UGT2B11: variants seen among roughly 807,000 people sequenced by gnomAD.
UGT2B11 encodes the protein UDP glucuronosyltransferase family 2 member B11, also known as UDP-glucuronosyltransferase 2B11.
UGT2B11 carries 49 observed loss-of-function variants against 51.7 expected under a neutral mutation model. That is an observed-to-expected ratio of 0.95 (90% CI 0.75 to 1.20). The LOEUF is 1.20. UGT2B11 is among the 50% of genes most tolerant of loss of function. UGT2B11 has a pLI of 0.00. For missense variants in UGT2B11, 810 were observed against 622.1 expected (o/e 1.30, Z -3.21); for synonymous variants, 273 against 209.0 (o/e 1.31, Z -2.64).
the UGT2B11 span, among the ~76,000 whole-genome samples, chr4:69,222,481 T>C: frequency 6.6e-6 from 1 of 152,246 alleles, no homozygotes; most frequent in African/African-American, 2.4e-5. Context: ...ATGATCTGAG[T>C]AAGTATCCCA....
chr4:69,206,096 C>T (rs2109944540), intron 3 of UGT2B11, among the ~76,000 whole-genome samples: 1 of 151,510 alleles, frequency 6.6e-6, no homozygotes, highest in Middle Eastern at 3.4e-3. Context: ...GGCAAAAATA[C>T]CATGAAACCC....
rs201637982 is a variant in UGT2B11 at position 69,205,540 on chromosome 4, G to T, written c.1030C>A (p.Pro344Thr). The T allele has an allele frequency of 9.3e-6, 15 of 1,610,364 alleles. No individual in the cohort carries two copies. The highest frequency in any genetic ancestry group is 1.2e-5 in the Non-Finnish European group (14 of 1,177,842). ...CGAGTATTGAGACCTAAGGCATCTG[G>T]TTTATTCCCGTCAAATCTCCACAGA... The part of the protein sequence containing the change: ...KVLWRFDGNK[P>T]DALGLNTRLY... The change falls in exon 4 of 6, where the codon CCA becomes ACA. Residue 344 changes from proline (P) to threonine (T), a missense_variant. Transcript: ENST00000446444.
chr4:69,221,836 T>C, the UGT2B11 span, among the ~76,000 whole-genome samples: 2 of 152,240 alleles, frequency 1.3e-5, no homozygotes, highest in African/African-American at 4.8e-5. Flanking sequence ...CGGCATGAGC[T>C]GGCGCTTGCC....
At chr4:69,216,353 T>C (rs1222840760), upstream of UGT2B11, 2 of 152,068 alleles carry the variant, frequency 1.3e-5, no homozygotes, top group Non-Finnish European at 2.9e-5. Flanking sequence ...AACTTATATG[T>C]CCACATCTTG....
At position 69,214,576 on chromosome 4, in the gene UGT2B11, T is replaced by C. The variant is rs755891316; in HGVS notation, c.147A>G (p.Arg49=). 26 of 1,613,198 alleles carry C rather than the reference T, an allele frequency of 1.6e-5. No individual in the cohort carries two copies. The East Asian group carries it at 2.7e-4, about 17-fold the overall frequency. Residue 49 remains arginine (R), a synonymous_variant, in exon 1 of 6, where the codon AGA becomes AGG. Coordinates refer to ENST00000446444, the MANE Select transcript of UGT2B11 (RefSeq NM_001073.3). ...MKTILKELVQ[R]GHEVTVLASS... is the part of the protein sequence containing the mutation. ...ATGCCAGTACAGTCACCTCATGACC[T>C]CTCTGAACAAGCTCTTTCAGGATTG...
At chr4:69,217,756 C>T (rs1722310242), upstream of UGT2B11, among the ~76,000 whole-genome samples, 1 of 152,038 alleles carries the variant, frequency 6.6e-6, no homozygotes, top group Non-Finnish European at 1.5e-5. Context: ...TCTCAGCATG[C>T]TCAGGGTGCT....
At chr4:69,203,965 A>G (rs1022728426) in intron 5 of UGT2B11, among the ~76,000 whole-genome samples, 44 of 151,658 alleles carry the variant, frequency 2.9e-4, no homozygotes, top group African/African-American at 1.0e-3. Context: ...TTTGGATTTT[A>G]TGGCATAAAT....
upstream of UGT2B11, chr4:69,215,203 C>A (rs1209693757): frequency 6.5e-6 from 1 of 153,204 alleles, no homozygotes; most frequent in Non-Finnish European, 1.5e-5. Flanking sequence ...AATTCACAGA[C>A]TTGTGCATCC....
chr4:69,218,393 G>A (rs1452867226), upstream of UGT2B11, among the ~76,000 whole-genome samples: 1 of 152,076 alleles, frequency 6.6e-6, no homozygotes, highest in African/African-American at 2.4e-5. Flanking sequence ...CATACTTTCA[G>A]TAATGGCAAA....
chr4:69,217,554 C>T (rs571033651), upstream of UGT2B11, among the ~76,000 whole-genome samples: 2 of 152,196 alleles, frequency 1.3e-5, no homozygotes, highest in South Asian at 4.1e-4. Context: ...TATAAGCTCT[C>T]TGTCTCAGAA....
At chr4:69,217,068 C>T (rs566468258), upstream of UGT2B11, among the ~76,000 whole-genome samples, 7 of 152,174 alleles carry the variant, frequency 4.6e-5, no homozygotes, top group Admixed American at 3.9e-4. Context: ...GTTTTAAGTA[C>T]AATTACAGTT....
At chr4:69,213,965 G>A (rs1722166873) in intron 1 of UGT2B11, 37 bp downstream of exon 1, 1 of 1,517,144 alleles carries the variant, frequency 6.6e-7, no homozygotes, top group Non-Finnish European at 8.8e-7. Context: ...ACACAAATAA[G>A]TTAGATCTTC....
chr4:69,206,173 A>C (rs1367708374), intron 3 of UGT2B11, among the ~76,000 whole-genome samples: 3 of 151,504 alleles, frequency 2.0e-5, no homozygotes, highest in Non-Finnish European at 4.4e-5. Context: ...ATCCATGAAA[A>C]TATATGTTAG....
chr4:69,209,578 A>G (rs1203875715), intron 2 of UGT2B11, among the ~76,000 whole-genome samples: 1 of 151,032 alleles, frequency 6.6e-6, no homozygotes, highest in African/African-American at 2.4e-5. Context: ...CAAAACAAAG[A>G]AAAAAACGTC....
At chr4:69,223,636 CCTT>C in the UGT2B11 span, among the ~76,000 whole-genome samples, 66 of 152,238 alleles carry the variant, frequency 4.3e-4, no homozygotes, top group African/African-American at 1.6e-3. Flanking sequence ...ATAAAATTGT[CCTT>C]CAAGGAGAAA....
At chr4:69,223,482 C>T in the UGT2B11 span, among the ~76,000 whole-genome samples, 20 of 152,212 alleles carry the variant, frequency 1.3e-4, no homozygotes, top group African/African-American at 4.8e-4. Flanking sequence ...TGTGCACCCA[C>T]TGACCACTAA....
Position 69,214,205 on chromosome 4 carries a change from C to T in UGT2B11, c.518G>A (p.Arg173His), listed in dbSNP as rs763950371. ...LLNIRFVYSL[R>H]FTPGYTIERH... ...TTCAATTGTGTAGCCAGGAGTAAAG[C>T]GGAGACTGTACACAAACCGTATGTT... Residue 173 changes from arginine to histidine, a missense_variant, in exon 1 of 6, where the codon CGC (arginine) becomes CAC (histidine). Arg to His is a conservative substitution (Grantham distance 29). Coordinates refer to ENST00000446444, the MANE Select transcript of UGT2B11 (RefSeq NM_001073.3). 1.5e-5 allele frequency: 24 copies of T among 1,612,938 alleles called. No homozygotes were observed. The highest frequency in any genetic ancestry group is 1.8e-5 in the Non-Finnish European group (21 of 1,179,448).
At chr4:69,205,842 A>T in intron 3 of UGT2B11, 1 of 331,684 alleles carries the variant, frequency 3.0e-6, no homozygotes, top group Non-Finnish European at 5.4e-6. Context: ...TTTTAAAAGA[A>T]GACCTACCTG....
rs1432128952 is a variant in UGT2B11, at chr4:69,212,669, C to T, written c.774G>A (p.Met258Ile). ...ETMGKADIWL[M>I]RNSWSFQFPH... ...GAAATTGAAAACTCCAGGAGTTTCG[C>T]ATAAGCCATATGTCAGCTTTTCCCA... Residue 258 changes from methionine to isoleucine, a missense_variant, in exon 2 of 6, where the codon ATG becomes ATA. By Grantham distance (10) the Met-to-Ile change is conservative (BLOSUM62 1). Transcript: ENST00000446444. 4 of 1,610,090 alleles carry T rather than the reference C, an allele frequency of 2.5e-6. No homozygotes were observed. Among genetic ancestry groups the T allele is most frequent in the Non-Finnish European group, 3.4e-6 (4 of 1,177,656 alleles).
Sources: gnomAD v4.1 joint callset for allele counts (sites outside exome capture counted in the v4.1 genomes callset) on GRCh38, gnomAD v4.1.1 for gene constraint, MANE v1.5 for transcripts, NCBI Gene and HGNC (gene_info 2026-07-23, HGNC 2026-07-21) for gene names.